Variants in SSR1 observed in about 807,000 individuals in gnomAD.
The protein encoded by SSR1 is translocon-associated protein subunit alpha.
In SSR1, 13 loss-of-function variants were observed where a neutral mutation model predicts 36.1. The observed-to-expected ratio is 0.36, with a 90% CI of 0.23 to 0.57. The LOEUF is 0.57. SSR1 is among the 20% of genes least tolerant of loss of function. The probability of loss-of-function intolerance (pLI) is 0.81; values close to 1 mark genes in which losing one functional copy is unlikely to be tolerated. For missense variants in SSR1, 291 were observed against 338.5 expected (o/e 0.86, Z 1.10); for synonymous variants, 113 against 118.9 (o/e 0.95, Z 0.32).
chr6:7,296,693 T>G (rs1320800434), intron 6 of SSR1, among the ~76,000 whole-genome samples: 9 of 137,278 alleles, frequency 6.6e-5, no homozygotes, highest in Non-Finnish European at 1.1e-4. Context: ...AGGAGGAGGG[T>G]GAGTGAGGGA....
intron 6 of SSR1, 44 bp from the exon 7 acceptor site, chr6:7,295,529 C>G: frequency 7.5e-7 from 1 of 1,330,302 alleles, no homozygotes; most frequent in Non-Finnish European, 1.0e-6. Context: ...TCCGTTACAC[C>G]ATTTACTTAA....
In SSR1 at chr6:7,311,130, A is replaced by T. The variant is rs574206842; in HGVS notation, c.80-1101T>A. 4.6e-5 allele frequency among the ~76,000 whole-genome samples: 7 copies of T among 152,342 alleles called. No individual in the cohort carries two copies. In the East Asian group the frequency reaches 1.4e-3, roughly 29 times the overall value. ...TAGCTTCAGGTTTGATAGCAAAGAA[A>T]GAATCCAATTATTTTTGCATGTGGC... On this transcript the variant is annotated intron_variant, in intron 1 of 7. Coordinates refer to ENST00000244763, the MANE Select transcript of SSR1 (RefSeq NM_003144.5).
chr6:7,292,297 A>T (rs534787226), intron 7 of SSR1, among the ~76,000 whole-genome samples: 99 of 152,288 alleles, frequency 6.5e-4, no homozygotes, highest in African/African-American at 2.2e-3. Flanking sequence ...ATGGGACATT[A>T]ATGGGATCAG....
intron 6 of SSR1, 61 bp downstream of exon 6, chr6:7,297,862 C>T: frequency 1.5e-6 from 2 of 1,340,588 alleles, no homozygotes; most frequent in Admixed American, 3.5e-5. Context: ...AACTAGACTG[C>T]TTAACTTAGT....
In SSR1 at chr6:7,284,316, T is replaced by G. The variant is rs1757498510; in HGVS notation, c.*5548A>C. ...ATTTATTACAAAACAAAAACTCCCC[T>G]TGCCAGCCTTATTACTCTGGCTCAT... On this transcript the variant is annotated 3_prime_UTR_variant, in exon 8 of 8. Coordinates refer to ENST00000244763, the MANE Select transcript of SSR1 (RefSeq NM_003144.5). 6.6e-6 allele frequency: 1 copy of G among 152,196 alleles called. No homozygotes were observed. The highest frequency in any genetic ancestry group is 2.1e-4 in the South Asian group (1 of 4,834). 9.4% of individuals were successfully genotyped at this position (152,196 alleles called of 1,614,324 possible). A position where few individuals can be genotyped will look rare whatever the true frequency, so the allele number is the denominator to read the frequency against.
At position 7,288,083 on chromosome 6, in the gene SSR1, G is replaced by A. The variant is rs1757594571; in HGVS notation, c.*1781C>T. 6.6e-6 allele frequency: 1 copy of A among 152,134 alleles called. No homozygotes were observed. Among genetic ancestry groups the A allele is most frequent in the Admixed American group, 6.6e-5 (1 of 15,266 alleles). 9.4% of individuals were successfully genotyped at this position (152,134 alleles called of 1,614,324 possible). Reference sequence around the variant, plus strand: ...TTTGCAGCTGCCTACGTTAGTACCAGGTATTCCATAAAACTCTGTAGAGGC... The same window carrying A: ...TTTGCAGCTGCCTACGTTAGTACCAAGTATTCCATAAAACTCTGTAGAGGC... On this transcript the variant is annotated 3_prime_UTR_variant, in exon 8 of 8. Transcript: ENST00000244763.
At chr6:7,307,097 A>C (rs1166155052) in intron 2 of SSR1, among the ~76,000 whole-genome samples, 4 of 152,172 alleles carry the variant, frequency 2.6e-5, no homozygotes, top group Admixed American at 2.6e-4. Context: ...GGATCCTTCC[A>C]TATCTCCCAA....
intron 2 of SSR1, among the ~76,000 whole-genome samples, chr6:7,308,907 A>G (rs1013479361): frequency 1.3e-5 from 2 of 152,254 alleles, no homozygotes; most frequent in South Asian, 2.1e-4. Flanking sequence ...ACCCACAGAG[A>G]TAAGTCAGAA....
At chr6:7,300,868 C>G (rs369458313) in intron 4 of SSR1, among the ~76,000 whole-genome samples, 18 of 152,186 alleles carry the variant, frequency 1.2e-4, no homozygotes, top group African/African-American at 3.6e-4. Context: ...GTCTCGAACT[C>G]CCGACCTCAG....
At chr6:7,309,843 T>C (rs1758148963) in intron 2 of SSR1, 74 bp downstream of exon 2, 6 of 1,235,938 alleles carry the variant, frequency 4.9e-6, no homozygotes, top group Middle Eastern at 1.9e-4. Flanking sequence ...TGGGTATGTC[T>C]TTATTAGCAG....
chr6:7,307,569 T>C (rs913927228), intron 2 of SSR1, among the ~76,000 whole-genome samples: 8 of 152,170 alleles, frequency 5.3e-5, no homozygotes, highest in Non-Finnish European at 7.3e-5. Context: ...AGAGACAGGG[T>C]CTGACTCTAT....
chr6:7,302,100 G>T (rs1397854096), intron 3 of SSR1, among the ~76,000 whole-genome samples: 1 of 152,026 alleles, frequency 6.6e-6, no homozygotes, highest in African/African-American at 2.4e-5. Flanking sequence ...CTACAAAAAT[G>T]GAAGAAAAAA....
chr6:7,312,992 A>G, intron 1 of SSR1, 50 bp downstream of exon 1: 1 of 1,535,536 alleles, frequency 6.5e-7, no homozygotes, highest in Non-Finnish European at 8.8e-7. Context: ...ACTTGCCATC[A>G]CTGGCATCTC....
intron 2 of SSR1, among the ~76,000 whole-genome samples, chr6:7,304,956 C>T (rs1758023987): frequency 6.6e-6 from 1 of 152,204 alleles, no homozygotes; most frequent in Non-Finnish European, 1.5e-5. Flanking sequence ...TGTTCAATGA[C>T]TGTGAAACTG....
intron 2 of SSR1, among the ~76,000 whole-genome samples, chr6:7,307,815 G>A (rs944431796): frequency 6.6e-6 from 1 of 152,128 alleles, no homozygotes; most frequent in Non-Finnish European, 1.5e-5. Context: ...CGTGCCTCAT[G>A]GCGTTCAGCA....
intron 3 of SSR1, among the ~76,000 whole-genome samples, chr6:7,302,873 T>G (rs1248213346): frequency 6.6e-6 from 1 of 152,036 alleles, no homozygotes; most frequent in Non-Finnish European, 1.5e-5. Context: ...ACGCGGTGGC[T>G]CATGCCTGTA....
intron 4 of SSR1, 168 bp from the exon 5 acceptor site, chr6:7,298,991 C>A: frequency 1.7e-6 from 1 of 596,498 alleles, no homozygotes; most frequent in Non-Finnish European, 3.0e-6. Context: ...AGGGACTCAA[C>A]ATTGTTATTT....
intron 6 of SSR1, chr6:7,296,748 A>G (rs1461967109): frequency 6.6e-6 from 1 of 152,250 alleles, no homozygotes; most frequent in Non-Finnish European, 1.5e-5. Context: ...GAGGAGGGAA[A>G]TAAGGATGTG....
Position 7,301,542 on chromosome 6 carries a change from AG to A in SSR1, c.310del (p.Leu104TrpfsTer2). ...TGTACCCTTGTTGGTAAAGCCTACC[AG>A]GAACTTCACAATGTTATTTGCTGGA... ...DFPANNIVKF[L>X]VGFTNKGTED... is the part of the protein sequence containing the mutation. On this transcript the variant is annotated frameshift_variant, in exon 4 of 8. Coordinates refer to ENST00000244763, the MANE Select transcript of SSR1 (RefSeq NM_003144.5). LOFTEE classifies it high-confidence loss of function. The A allele has an allele frequency of 6.2e-7, 1 of 1,612,800 alleles. No individual in the cohort carries two copies. Among genetic ancestry groups the A allele is most frequent in the Non-Finnish European group, 8.5e-7 (1 of 1,179,792 alleles).
Sources: gnomAD v4.1 joint callset for allele counts (sites outside exome capture counted in the v4.1 genomes callset) on GRCh38, gnomAD v4.1.1 for gene constraint, MANE v1.5 for transcripts, NCBI Gene and HGNC (gene_info 2026-07-23, HGNC 2026-07-21) for gene names.